Variants in GLYCTK observed in about 807,000 individuals in gnomAD.
GLYCTK encodes the protein glycerate kinase, also known as HBeAg binding protein 4.
GLYCTK carries 22 observed loss-of-function variants against 24.8 expected under a neutral mutation model. The ratio of observed to expected loss-of-function variants is 0.89; its 90% CI spans 0.63 to 1.27. The LOEUF (loss-of-function observed/expected upper bound fraction) is 1.27. Ranked by LOEUF, GLYCTK falls within the 50% of genes most tolerant of loss-of-function variation. GLYCTK has a pLI of 0.00. For missense variants in GLYCTK, 684 were observed against 686.7 expected, an observed-to-expected ratio of 1.00 and a Z score of 0.04; for synonymous variants, 320 against 297.2, an observed-to-expected ratio of 1.08 and a Z score of -0.79.
In GLYCTK at chr3:52,294,220, G is replaced by T; in HGVS notation, c.*1094G>T. ...TCAGTGTCAGAACCCTCCGCTGGCT[G>T]TCCCCGCCGTGCGCCACGGCTCCAA... On this transcript the variant is annotated 3_prime_UTR_variant, in exon 5 of 5. Transcript: ENST00000436784. 1.9e-6 allele frequency: 1 copy of T among 534,698 alleles called. No homozygotes were observed. The highest frequency in any genetic ancestry group is 3.8e-6 in the Non-Finnish European group (1 of 260,054). 33.1% of individuals were successfully genotyped at this position (534,698 alleles called of 1,614,324 possible).
chr3:52,290,691 C>T lies in GLYCTK; in HGVS notation c.349C>T (p.Arg117Cys), dbSNP rs1348883081. The T allele has an allele frequency of 2.2e-5, 36 of 1,613,088 alleles. No individual in the cohort carries two copies. Among genetic ancestry groups the T allele is most frequent in the Non-Finnish European group, 2.8e-5 (33 of 1,179,594 alleles). The change falls in exon 2 of 5, where the codon CGT becomes TGT. Residue 117 changes from arginine to cysteine, a missense_variant. Coordinates refer to ENST00000436784, the MANE Select transcript of GLYCTK (RefSeq NM_145262.4). ...QGVISVPKGI[R>C]AAMERAGKQE... is the part of the protein sequence containing the mutation. ...CGTGATCAGCGTTCCCAAGGGGATC[C>T]GTGCTGCCATGGAGCGTGCCGGCAA...
Position 52,292,473 on chromosome 3 carries a change from G to A in GLYCTK, c.919G>A (p.Val307Met), listed in dbSNP as rs1461770100. 6.2e-7 allele frequency: 1 copy of A among 1,613,176 alleles called. No individual in the cohort carries two copies. The change falls in exon 5 of 5, where the codon GTG becomes ATG. Residue 307 changes from valine (V) to methionine (M), a missense_variant. By Grantham distance (21) the Val-to-Met change is conservative. Transcript: ENST00000436784. ...GPHTCGHVLN[V>M]IIGSNVLALA... ...ACACACCTGTGGCCATGTCCTGAAT[G>A]TGATCATTGGCTCTAATGTGCTGGC...
chr3:52,287,870 T>C lies in GLYCTK; in HGVS notation c.-46T>C, dbSNP rs1210535091. The C allele has an allele frequency of 6.6e-6, 3 of 451,592 alleles. No individual in the cohort carries two copies. The highest frequency in any genetic ancestry group is 4.7e-5 in the Admixed American group (2 of 42,458). The allele number at this position is 451,592 out of a possible 1,614,324, so 28.0% of individuals were successfully genotyped here. On this transcript the variant is annotated 5_prime_UTR_variant, in exon 1 of 5. Coordinates refer to ENST00000436784, the MANE Select transcript of GLYCTK (RefSeq NM_145262.4). ...GCGCTGGGCACCGCGGCCGGAGCTG[T>C]GGGCTGGTAAGTCTGCGCCGCCAGG...
At position 52,292,716 on chromosome 3, in the gene GLYCTK, C is replaced by G. The variant is rs1367977449; in HGVS notation, c.1162C>G (p.Leu388Val). The change falls in exon 5 of 5, where the codon CTG becomes GTG. Residue 388 changes from leucine (L) to valine (V), a missense_variant. By Grantham distance (32) the Leu-to-Val change is conservative. Transcript: ENST00000436784. ...TGAGCTTCAGATCCCAGACCTGCAG[C>G]TGGAGGAGGCTCTGGAGACCATGGC... is the stretch of plus-strand genomic sequence containing the variant. ...AAELQIPDLQ[L>V]EEALETMAWG... 1.9e-6 allele frequency: 3 copies of G among 1,608,930 alleles called. No individual in the cohort carries two copies. Among genetic ancestry groups the G allele is most frequent in the Non-Finnish European group, 2.5e-6 (3 of 1,176,934 alleles).
At chr3:52,288,891 A>G (rs1700373534) in intron 1 of GLYCTK, 1 of 152,126 alleles carries the variant, frequency 6.6e-6, no homozygotes, top group African/African-American at 2.4e-5. Flanking sequence ...CCCTTTCACA[A>G]CAGAAGTCAG....
rs1416380869 is a variant in GLYCTK at position 52,295,098 on chromosome 3, C to T, written c.*1972C>T. 2 of 453,978 alleles carry T rather than the reference C, an allele frequency of 4.4e-6. No individual in the cohort carries two copies. Among genetic ancestry groups the T allele is most frequent in the Admixed American group, 2.3e-5 (1 of 42,558 alleles). 28.1% of individuals were successfully genotyped at this position (453,978 alleles called of 1,614,324 possible). ...ATTGGACCCCATAGGGCCAAATGGT[C>T]TGTGAGCCTAACCCGTTAGATTTGC... On this transcript the variant is annotated 3_prime_UTR_variant, in exon 5 of 5. Transcript: ENST00000436784.
At chr3:52,288,175 A>G (rs1700347827) in intron 1 of GLYCTK, among the ~76,000 whole-genome samples, 1 of 152,096 alleles carries the variant, frequency 6.6e-6, no homozygotes, top group Admixed American at 6.6e-5. Context: ...CGTGTCTTGG[A>G]TAGAATTGGA....
chr3:52,292,993 T>C lies in GLYCTK; in HGVS notation c.1439T>C (p.Ile480Thr). The C allele has an allele frequency of 6.2e-7, 1 of 1,614,160 alleles. No individual in the cohort carries two copies. The highest frequency in any genetic ancestry group is 8.5e-7 in the Non-Finnish European group (1 of 1,180,032). Residue 480 changes from isoleucine (I) to threonine (T), a missense_variant, in exon 5 of 5, where the codon ATA (isoleucine) becomes ACA (threonine). Transcript: ENST00000436784. The stretch of plus-strand genomic sequence containing the variant: ...CAGGCTGCAGCTGAGGGCCTGGACA[T>C]AGCCACCTTCCTAGCCCACAATGAC... The part of the protein sequence containing the change: ...ASQAAAEGLD[I>T]ATFLAHNDSH...
At chr3:52,289,512 A>C (rs2153220640) in intron 1 of GLYCTK, among the ~76,000 whole-genome samples, 1 of 152,290 alleles carries the variant, frequency 6.6e-6, no homozygotes, top group Non-Finnish European at 1.5e-5. Flanking sequence ...GGGTCTGGCC[A>C]ACTGTGTGGG....
At position 52,290,412 on chromosome 3, in the gene GLYCTK, T is replaced by C; in HGVS notation, c.70T>C (p.Ser24Pro). ...APLHPLLWRG[S>P]VARLASSMAL... is the part of the protein sequence containing the mutation. ...CTTGCATCCACTCCTCTGGCGGGGC[T>C]CAGTGGCCCGTCTGGCCAGCAGCAT... Residue 24 changes from serine (S) to proline (P), a missense_variant, in exon 2 of 5, where the codon TCA (serine) becomes CCA (proline). Coordinates refer to ENST00000436784, the MANE Select transcript of GLYCTK (RefSeq NM_145262.4). The C allele has an allele frequency of 6.2e-7, 1 of 1,610,054 alleles. No individual in the cohort carries two copies. The highest frequency in any genetic ancestry group is 1.1e-5 in the South Asian group (1 of 91,064).
intron 4 of GLYCTK, 110 bp from the exon 5 acceptor site, chr3:52,292,150 A>G: frequency 7.0e-7 from 1 of 1,438,072 alleles, no homozygotes; most frequent in African/African-American, 1.4e-5. Flanking sequence ...GGGTAAGGAA[A>G]TGCACTGAGT....
In GLYCTK at chr3:52,293,876, C is replaced by A. The variant is rs1209236288; in HGVS notation, c.*750C>A. On this transcript the variant is annotated 3_prime_UTR_variant, in exon 5 of 5. Coordinates refer to ENST00000436784, the MANE Select transcript of GLYCTK (RefSeq NM_145262.4). ...CAGCCCTTAGCCACATACTGCACTT[C>A]TGGTTGAGCTGAAGTTTGTCCCACC... is the stretch of plus-strand genomic sequence containing the variant. The A allele has an allele frequency of 2.2e-6, 1 of 454,142 alleles. No individual in the cohort carries two copies. The highest frequency in any genetic ancestry group is 2.3e-5 in the Admixed American group (1 of 42,568). 28.1% of individuals were successfully genotyped at this position (454,142 alleles called of 1,614,324 possible). A position where few individuals can be genotyped will look rare whatever the true frequency, so the allele number is the denominator to read the frequency against.
In GLYCTK at chr3:52,293,440, G is replaced by A. The variant is rs921165849; in HGVS notation, c.*314G>A. The A allele has an allele frequency of 1.7e-5, 10 of 589,876 alleles. No individual in the cohort carries two copies. Among genetic ancestry groups the A allele is most frequent in the Non-Finnish European group, 2.6e-5 (8 of 313,136 alleles). The allele number at this position is 589,876 out of a possible 1,614,324, so 36.5% of individuals were successfully genotyped here. On this transcript the variant is annotated 3_prime_UTR_variant, in exon 5 of 5. Coordinates refer to ENST00000436784, the MANE Select transcript of GLYCTK (RefSeq NM_145262.4). ...CTCACCCTGTTTCTTTCTGTGAAGC[G>A]AGAATGTCTGAAAATAAATAGGACC...
At chr3:52,291,695 G>T in intron 3 of GLYCTK, 52 bp from the exon 4 acceptor site, 1 of 1,575,856 alleles carries the variant, frequency 6.3e-7, no homozygotes, top group Non-Finnish European at 8.7e-7. Flanking sequence ...TGCTTGCCTG[G>T]TTCCCTGGGT....
intron 3 of GLYCTK, 37 bp downstream of exon 3, chr3:52,291,148 G>C: frequency 1.9e-6 from 3 of 1,600,442 alleles, no homozygotes; most frequent in Non-Finnish European, 2.5e-6. Flanking sequence ...GTTGGTGGGG[G>C]GTGCACCACC....
chr3:52,293,758 A>G lies in GLYCTK; in HGVS notation c.*632A>G, dbSNP rs1350912182. 2.2e-6 allele frequency: 1 copy of G among 453,508 alleles called. No individual in the cohort carries two copies. The highest frequency in any genetic ancestry group is 2.3e-5 in the Admixed American group (1 of 42,556). The allele number at this position is 453,508 out of a possible 1,614,324, so 28.1% of individuals were successfully genotyped here. A position where few individuals can be genotyped will look rare whatever the true frequency, so the allele number is the denominator to read the frequency against. On this transcript the variant is annotated 3_prime_UTR_variant, in exon 5 of 5. Coordinates refer to ENST00000436784, the MANE Select transcript of GLYCTK (RefSeq NM_145262.4). ...GTCTGGGGTGACCAGCCACCCACCCACCCAACCATGACTCCACCATGGCAC... is the reference window on the plus strand; with the variant it reads ...GTCTGGGGTGACCAGCCACCCACCCGCCCAACCATGACTCCACCATGGCAC...
Position 52,291,331 on chromosome 3 carries a change from CAGTG to C in GLYCTK, c.529+223_529+226del, listed in dbSNP as rs1700462943. The C allele has an allele frequency of 4.9e-6, 3 of 615,626 alleles. No homozygotes were observed. The Admixed American group carries it at 8.1e-5, about 17-fold the overall frequency. The allele number at this position is 615,626 out of a possible 1,614,324, so 38.1% of individuals were successfully genotyped here. On this transcript the variant is annotated intron_variant, in intron 3 of 4. Coordinates refer to ENST00000436784, the MANE Select transcript of GLYCTK (RefSeq NM_145262.4). ...CCCCCTGAGCTGACCTTTTCGGTGA[CAGTG>C]AGAGGGTGCATGGGGAGCACATAAT... is the stretch of plus-strand genomic sequence containing the variant.
At chr3:52,288,092 G>A in intron 1 of GLYCTK, 1 of 201,272 alleles carries the variant, frequency 5.0e-6, no homozygotes. Context: ...TTTGATGGCG[G>A]GGAGGAGTCA....
rs932251085 is a variant in GLYCTK at position 52,294,834 on chromosome 3, A to G, written c.*1708A>G. The G allele has an allele frequency of 2.2e-6, 1 of 454,038 alleles. No homozygotes were observed. Among genetic ancestry groups the G allele is most frequent in the Non-Finnish European group, 4.4e-6 (1 of 226,758 alleles). 28.1% of individuals were successfully genotyped at this position (454,038 alleles called of 1,614,324 possible). A position where few individuals can be genotyped will look rare whatever the true frequency, so the allele number is the denominator to read the frequency against. On this transcript the variant is annotated 3_prime_UTR_variant, in exon 5 of 5. Coordinates refer to ENST00000436784, the MANE Select transcript of GLYCTK (RefSeq NM_145262.4). ...TGCAGGAGCTGAGGGCCTGGCAGCC[A>G]TGTCCCCAGTGTGTGTGTGGGTGGT... is the stretch of plus-strand genomic sequence containing the variant.
Sources: allele counts gnomAD v4.1 joint callset (sites outside exome capture counted in the v4.1 genomes callset), GRCh38; gene constraint gnomAD v4.1.1; transcripts MANE v1.5; gene names NCBI Gene and HGNC (gene_info 2026-07-23, HGNC 2026-07-21).